UBN2: variants seen among roughly 807,000 people sequenced by gnomAD.
UBN2 encodes the protein ubinuclein-2.
A neutral mutation model predicts 120.2 loss-of-function variants in UBN2; 35 were observed. The ratio of observed to expected loss-of-function variants is 0.29; its 90% CI spans 0.22 to 0.39. The LOEUF (loss-of-function observed/expected upper bound fraction) is 0.39. Ranked by LOEUF, UBN2 falls within the 10% of genes least tolerant of loss-of-function variation. The pLI is 1.00. For synonymous variants in UBN2, 661 were observed against 648.7 expected (o/e 1.02, Z -0.29); for missense variants, 1,693 against 1,663.2 (o/e 1.02, Z -0.31).
At chr7:139,245,401 G>A (rs1796444392) in intron 2 of UBN2, among the ~76,000 whole-genome samples, 1 of 152,018 alleles carries the variant, frequency 6.6e-6, no homozygotes, top group Non-Finnish European at 1.5e-5. Flanking sequence ...ATCAAATAAA[G>A]CTTTAAGTCT....
chr7:139,315,509 A>G, the UBN2 span: 1 of 152,116 alleles, frequency 6.6e-6, no homozygotes. Context: ...ATCTCATTGT[A>G]TGGATATGTC....
rs569443002 is a variant in UBN2, at chr7:139,260,865, G to A, written c.906-387G>A. 2.0e-5 allele frequency among the ~76,000 whole-genome samples: 3 copies of A among 152,236 alleles called. No homozygotes were observed. In the South Asian group the frequency reaches 6.2e-4, roughly 32 times the overall value. On this transcript the variant is annotated intron_variant, in intron 5 of 17. Transcript: ENST00000473989. Reference sequence around the variant, plus strand: ...TTATTAAGTACCCTGCTGTATACCAGGCACTGATACAGGGTTTGGGTTGTA... The same window carrying A: ...TTATTAAGTACCCTGCTGTATACCAAGCACTGATACAGGGTTTGGGTTGTA...
intron 2 of UBN2, among the ~76,000 whole-genome samples, chr7:139,242,572 C>T (rs1396081080): frequency 6.8e-6 from 1 of 147,880 alleles, no homozygotes; most frequent in Non-Finnish European, 1.5e-5. Flanking sequence ...GGGGAGAGGG[C>T]CTTAAAGGGC....
chr7:139,256,699 C>T (rs1189283521), intron 3 of UBN2, among the ~76,000 whole-genome samples: 3 of 152,150 alleles, frequency 2.0e-5, no homozygotes, highest in African/African-American at 7.2e-5. Flanking sequence ...TAATCCCTCA[C>T]CCCTCATATC....
downstream of UBN2, among the ~76,000 whole-genome samples, chr7:139,308,625 G>C (rs142176677): frequency 1.3e-5 from 2 of 152,220 alleles, no homozygotes; most frequent in Admixed American, 6.5e-5. Flanking sequence ...GGCATGTTTG[G>C]ACAAGTAGAG....
At chr7:139,310,500 A>G (rs2094250240), downstream of UBN2, among the ~76,000 whole-genome samples, 1 of 152,148 alleles carries the variant, frequency 6.6e-6, no homozygotes, top group South Asian at 2.1e-4. Context: ...GGCTAGGCAC[A>G]GTGGTCATGC....
chr7:139,245,360 G>A (rs1015970913), intron 2 of UBN2, among the ~76,000 whole-genome samples: 8 of 152,168 alleles, frequency 5.3e-5, no homozygotes, highest in Admixed American at 1.3e-4. Context: ...ATTTTGAGGG[G>A]AAGCATTTTG....
downstream of UBN2, among the ~76,000 whole-genome samples, chr7:139,312,953 A>G (rs1798467742): frequency 6.6e-6 from 1 of 152,090 alleles, no homozygotes; most frequent in South Asian, 2.1e-4. Flanking sequence ...TCCAGTTCTC[A>G]TATATGGAAA....
intron 15 of UBN2, among the ~76,000 whole-genome samples, chr7:139,284,905 C>T (rs529410009): frequency 2.6e-5 from 4 of 152,244 alleles, no homozygotes; most frequent in African/African-American, 9.6e-5. Context: ...TGGCTTATTT[C>T]AAACTTTCTC....
the UBN2 span, among the ~76,000 whole-genome samples, chr7:139,316,699 C>CA: frequency 1.2e-4 from 18 of 152,072 alleles, no homozygotes; most frequent in African/African-American, 4.3e-4. Flanking sequence ...AGCAGAGAAT[C>CA]ACGCCACTGC....
Position 139,297,285 on chromosome 7 carries a change from G to T in UBN2, c.3995-502G>T, listed in dbSNP as rs371651382. On this transcript the variant is annotated intron_variant, in intron 17 of 17. Transcript: ENST00000473989. Reference sequence around the variant, plus strand: ...GTTAGAATGAGCACACACTCAGCTGGATGTTTTTCACTACAGATGAAAAGT... The same window carrying T: ...GTTAGAATGAGCACACACTCAGCTGTATGTTTTTCACTACAGATGAAAAGT... 2.6e-5 allele frequency among the ~76,000 whole-genome samples: 4 copies of T among 151,952 alleles called. No individual in the cohort carries two copies. In the East Asian group the frequency reaches 5.8e-4, roughly 22 times the overall value.
chr7:139,273,914 A>C lies in UBN2; in HGVS notation c.1830-17A>C. Reference sequence around the variant, plus strand: ...TCTTCTAAAAAAAGTTTCAAATTTAATTTTCAATCTGTTTAGAACTTTGTT... The same window carrying C: ...TCTTCTAAAAAAAGTTTCAAATTTACTTTTCAATCTGTTTAGAACTTTGTT... On this transcript the variant is annotated splice_polypyrimidine_tract_variant and intron_variant, in intron 10 of 17. Coordinates refer to ENST00000473989, the MANE Select transcript of UBN2 (RefSeq NM_173569.4). 1 of 1,560,472 alleles carries C rather than the reference A, an allele frequency of 6.4e-7. No individual in the cohort carries two copies. The highest frequency in any genetic ancestry group is 2.3e-5 in the East Asian group (1 of 43,366).
rs764662683 is a variant in UBN2 at position 139,283,346 on chromosome 7, C to G, written c.2441C>G (p.Pro814Arg). 2 of 1,613,942 alleles carry G rather than the reference C, an allele frequency of 1.2e-6. No homozygotes were observed. Among genetic ancestry groups the G allele is most frequent in the Non-Finnish European group, 1.7e-6 (2 of 1,180,002 alleles). The change falls in exon 15 of 18, where the codon CCA becomes CGA. Residue 814 changes from proline to arginine, a missense_variant. This residue lies in a region of UBN2 where 837 missense variants were observed against 817.6 expected (regional missense o/e 1.02). Coordinates refer to ENST00000473989, the MANE Select transcript of UBN2 (RefSeq NM_173569.4). ...TTAGCAAGTATCATGAGTAAGCTGC[C>G]ACTAGCTACTCCCAAAAAACTAGAT... ...EKLASIMSKL[P>R]LATPKKLDST...
At chr7:139,266,748 T>A (rs1377152875) in intron 7 of UBN2, among the ~76,000 whole-genome samples, 2 of 152,198 alleles carry the variant, frequency 1.3e-5, no homozygotes, top group Non-Finnish European at 2.9e-5. Context: ...TTTGGCATGA[T>A]TTTCCATCTA....
At chr7:139,320,286 AC>A in the UBN2 span, among the ~76,000 whole-genome samples, 1 of 151,094 alleles carries the variant, frequency 6.6e-6, no homozygotes, top group East Asian at 2.0e-4. Flanking sequence ...ACATGGTGAA[AC>A]CCCGTCTCTA....
intron 15 of UBN2, among the ~76,000 whole-genome samples, chr7:139,291,334 C>G (rs2131059638): frequency 7.6e-6 from 1 of 131,334 alleles, no homozygotes; most frequent in African/African-American, 3.0e-5. Flanking sequence ...ACACTGCAGC[C>G]TGGGCAACAG....
the UBN2 span, among the ~76,000 whole-genome samples, chr7:139,317,952 C>A: frequency 6.6e-6 from 1 of 152,172 alleles, no homozygotes; most frequent in Non-Finnish European, 1.5e-5. Context: ...CATGAGCCAC[C>A]GCACGCAGCC....
intron 6 of UBN2, among the ~76,000 whole-genome samples, chr7:139,264,611 C>T (rs531391576): frequency 3.3e-5 from 5 of 152,112 alleles, no homozygotes; most frequent in African/African-American, 1.2e-4. Context: ...CTTGCTCTGT[C>T]CCCAGGTTGG....
chr7:139,248,130 C>T, intron 2 of UBN2, among the ~76,000 whole-genome samples: 1 of 152,104 alleles, frequency 6.6e-6, no homozygotes, highest in East Asian at 1.9e-4. Flanking sequence ...TAACATATTG[C>T]TTTCTATGGC....
Sources: gnomAD v4.1 joint callset for allele counts (sites outside exome capture counted in the v4.1 genomes callset) on GRCh38, gnomAD v4.1.1 for gene constraint, gnomAD v4.1.1 regional missense constraint, MANE v1.5 for transcripts, NCBI Gene and HGNC (gene_info 2026-07-23, HGNC 2026-07-21) for gene names.